FAT3: variants seen among roughly 807,000 people sequenced by gnomAD.
The protein encoded by FAT3 is FAT atypical cadherin 3.
A neutral mutation model predicts 310.2 loss-of-function variants in FAT3; 95 were observed. The observed-to-expected ratio is 0.31, with a 90% CI of 0.26 to 0.36. The LOEUF (loss-of-function observed/expected upper bound fraction) is 0.36, where lower values mean the gene tolerates loss of function less well. Ranked by LOEUF, FAT3 falls within the 10% of genes least tolerant of loss-of-function variation. FAT3 has a pLI of 1.00. For missense variants in FAT3, 5,408 were observed against 5,715.6 expected, an observed-to-expected ratio of 0.95 and a Z score of 1.74; for synonymous variants, 2,314 against 2,192.9, an observed-to-expected ratio of 1.06 and a Z score of -1.54.
At position 92,883,854 on chromosome 11, in the gene FAT3, G is replaced by T. The variant is rs868188713; in HGVS notation, c.12937+461G>T. On this transcript the variant is annotated intron_variant, in intron 24 of 27. Transcript: ENST00000525166. The surrounding 1 kb of genome is among the most constrained non-coding windows in gnomAD (Gnocchi z 4.2). ...TGCTCTGGAAGGCTGGAAGAAGAGA[G>T]TATTTCCAGTCTTAGAATGAAGACT... Among the ~76,000 whole-genome samples the T allele has an allele frequency of 4.6e-5, 7 of 152,350 alleles. No homozygotes were observed. The highest frequency in any genetic ancestry group is 3.4e-3 in the Middle Eastern group (1 of 294).
At chr11:92,251,522 C>T (rs1865140622) in intron 1 of FAT3, among the ~76,000 whole-genome samples, 1 of 152,124 alleles carries the variant, frequency 6.6e-6, no homozygotes, top group South Asian at 2.1e-4. Context: ...GATTTTTCTA[C>T]AACCAGTTAG....
At chr11:92,658,991 T>C (rs1942679303) in intron 3 of FAT3, among the ~76,000 whole-genome samples, 1 of 152,078 alleles carries the variant, frequency 6.6e-6, no homozygotes, top group Non-Finnish European at 1.5e-5. Context: ...TCCTGGCCCC[T>C]TTTCAGTTCA....
At chr11:92,418,426 CCACCCCCCCACA>C (rs1950463061) in intron 2 of FAT3, among the ~76,000 whole-genome samples, 2 of 41,978 alleles carry the variant, frequency 4.8e-5, no homozygotes, top group Admixed American at 3.7e-4. Context: ...AACACCCCCC[CCACCCCCCCACA>C]CACACACAGA....
At chr11:92,509,821 C>T (rs1953233746) in intron 2 of FAT3, among the ~76,000 whole-genome samples, 1 of 152,092 alleles carries the variant, frequency 6.6e-6, no homozygotes, top group South Asian at 2.1e-4. Flanking sequence ...AAAGGCAATG[C>T]AACAAAGACA....
At chr11:92,655,852 A>T (rs866072156) in intron 3 of FAT3, among the ~76,000 whole-genome samples, 2 of 152,218 alleles carry the variant, frequency 1.3e-5, no homozygotes, top group Non-Finnish European at 1.5e-5. Context: ...TCTTGAGAGC[A>T]GATCTATGTC....
intron 2 of FAT3, among the ~76,000 whole-genome samples, chr11:92,467,176 A>G (rs1488404384): frequency 6.6e-6 from 1 of 152,080 alleles, no homozygotes; most frequent in Non-Finnish European, 1.5e-5. Context: ...ACAATGGTTG[A>G]ACTAGTTTAC....
At chr11:92,752,929 A>G (rs1945868258) in intron 4 of FAT3, among the ~76,000 whole-genome samples, 1 of 152,238 alleles carries the variant, frequency 6.6e-6, no homozygotes, top group South Asian at 2.1e-4. Context: ...ATAAGGACTC[A>G]TTATATATAA....
intron 7 of FAT3, among the ~76,000 whole-genome samples, chr11:92,775,154 T>C (rs568672010): frequency 1.3e-5 from 2 of 152,262 alleles, no homozygotes; most frequent in South Asian, 4.1e-4. Context: ...CCCAGATATG[T>C]CCTTAGAGTG....
intron 4 of FAT3, among the ~76,000 whole-genome samples, chr11:92,714,312 G>T (rs924112656): frequency 6.6e-6 from 1 of 152,108 alleles, no homozygotes; most frequent in Non-Finnish European, 1.5e-5. Flanking sequence ...GCTTGGAAGT[G>T]CAATGACCCA....
At chr11:92,786,790 A>C (rs1946904785) in intron 7 of FAT3, among the ~76,000 whole-genome samples, 1 of 152,208 alleles carries the variant, frequency 6.6e-6, no homozygotes, top group East Asian at 1.9e-4. Context: ...TATTTTAAAA[A>C]TGGGCACAAG....
intron 3 of FAT3, among the ~76,000 whole-genome samples, chr11:92,626,549 C>T (rs1298947306): frequency 6.6e-6 from 1 of 151,794 alleles, no homozygotes; most frequent in Non-Finnish European, 1.5e-5. Context: ...CCAGTGGCAT[C>T]TCTTCCTGAT....
At chr11:92,645,709 A>G (rs966555754) in intron 3 of FAT3, among the ~76,000 whole-genome samples, 1 of 152,228 alleles carries the variant, frequency 6.6e-6, no homozygotes, top group African/African-American at 2.4e-5. Context: ...AGCCTTCATT[A>G]GTCACTACTT....
At chr11:92,831,560 A>G in intron 13 of FAT3, 62 bp from the exon 14 acceptor site, 1 of 1,440,310 alleles carries the variant, frequency 6.9e-7, no homozygotes, top group South Asian at 1.3e-5. Context: ...AAGCTGTAAC[A>G]TTCTAGTGCA....
intron 1 of FAT3, among the ~76,000 whole-genome samples, chr11:92,246,896 T>A (rs540122806): frequency 2.0e-5 from 3 of 152,216 alleles, no homozygotes; most frequent in South Asian, 4.1e-4. Flanking sequence ...CATGAAATGA[T>A]GTAATTTAAG....
In FAT3 at chr11:92,533,542, C is replaced by T. The variant is rs533073723; in HGVS notation, c.3607+8594C>T. Among the ~76,000 whole-genome samples, 6 of 152,168 alleles carry T rather than the reference C, an allele frequency of 3.9e-5. No individual in the cohort carries two copies. The South Asian group carries it at 6.2e-4, about 16-fold the overall frequency. On this transcript the variant is annotated intron_variant, in intron 3 of 27. Coordinates refer to ENST00000525166, the MANE Select transcript of FAT3 (RefSeq NM_001367949.2). Reference sequence around the variant, plus strand: ...GATTGTTACTTGGAAAATGATTGCTCGATGCTGTTTCTTTATAAAACTGAA... The same window carrying T: ...GATTGTTACTTGGAAAATGATTGCTTGATGCTGTTTCTTTATAAAACTGAA...
At position 92,894,382 on chromosome 11, in the gene FAT3, C is replaced by A. The variant is rs1949980218; in HGVS notation, c.*3269C>A. The stretch of plus-strand genomic sequence containing the variant: ...TTTGGTTTTGGTTTTGCATTTTTTT[C>A]TTCCCACAAACACTGGCTACTCTTT... On this transcript the variant is annotated 3_prime_UTR_variant, in exon 28 of 28. Coordinates refer to ENST00000525166, the MANE Select transcript of FAT3 (RefSeq NM_001367949.2). 6.6e-6 allele frequency: 1 copy of A among 151,676 alleles called. No individual in the cohort carries two copies. Among genetic ancestry groups the A allele is most frequent in the Non-Finnish European group, 1.5e-5 (1 of 67,808 alleles). 9.4% of individuals were successfully genotyped at this position (151,676 alleles called of 1,614,324 possible).
In FAT3 at chr11:92,831,876, C is replaced by A; in HGVS notation, c.9736C>A (p.Pro3246Thr). 1 of 1,613,278 alleles carries A rather than the reference C, an allele frequency of 6.2e-7. No individual in the cohort carries two copies. The highest frequency in any genetic ancestry group is 8.5e-7 in the Non-Finnish European group (1 of 1,179,648). The change falls in exon 14 of 28, where the codon CCT becomes ACT. Residue 3246 changes from proline (P) to threonine (T), a missense_variant. Coordinates refer to ENST00000525166, the MANE Select transcript of FAT3 (RefSeq NM_001367949.2). ...GAGGAGGGACTACCTGGTGACGGTG[C>A]CTGAGGACACCTCCCCTGGCACCCA... ...FERRDYLVTV[P>T]EDTSPGTQVL...
chr11:92,608,453 T>G (rs144198885), intron 3 of FAT3, among the ~76,000 whole-genome samples: 144 of 152,234 alleles, frequency 9.5e-4, no homozygotes, highest in African/African-American at 3.2e-3. Context: ...AATATAAAAC[T>G]AAATGGAAAA....
At chr11:92,638,776 T>G (rs1268642674) in intron 3 of FAT3, among the ~76,000 whole-genome samples, 1 of 152,226 alleles carries the variant, frequency 6.6e-6, no homozygotes, top group South Asian at 2.1e-4. Context: ...CTGAGCATAC[T>G]TGATTTCCAA....
Sources: allele counts gnomAD v4.1 joint callset (sites outside exome capture counted in the v4.1 genomes callset), GRCh38; gene constraint gnomAD v4.1.1; non-coding constraint Gnocchi (gnomAD v3.1); transcripts MANE v1.5; gene names NCBI Gene and HGNC (gene_info 2026-07-23, HGNC 2026-07-21).